The following ATRNL1 variants were observed in gnomAD, a reference collection of about 807,000 sequenced individuals.
ATRNL1 encodes the protein attractin like 1, also known as attractin-like protein 1.
In ATRNL1, 95 loss-of-function variants were observed where a neutral mutation model predicts 182.7. The ratio of observed to expected loss-of-function variants is 0.52; its 90% CI spans 0.44 to 0.62. The LOEUF is 0.62. Ranked by LOEUF, ATRNL1 falls within the 20% of genes least tolerant of loss-of-function variation. The probability of loss-of-function intolerance (pLI) is 0.00; values close to 1 mark genes in which losing one functional copy is unlikely to be tolerated. For missense variants in ATRNL1, 1,471 were observed against 1,679.5 expected, an observed-to-expected ratio of 0.88 and a Z score of 2.17; for synonymous variants, 576 against 568.3, an observed-to-expected ratio of 1.01 and a Z score of -0.19.
At chr10:115,934,957 G>C (rs1953512745) in intron 28 of ATRNL1, among the ~76,000 whole-genome samples, 1 of 152,090 alleles carries the variant, frequency 6.6e-6, no homozygotes, top group South Asian at 2.1e-4. Flanking sequence ...GTAGTTTCCA[G>C]TATCCAGAAC....
intron 21 of ATRNL1, among the ~76,000 whole-genome samples, chr10:115,441,789 C>A (rs1846693966): frequency 6.6e-6 from 1 of 151,918 alleles, no homozygotes; most frequent in African/African-American, 2.4e-5. Context: ...TGCCTATATA[C>A]TTGCTTTTGT....
At chr10:115,507,344 A>G (rs1850163633) in intron 24 of ATRNL1, among the ~76,000 whole-genome samples, 1 of 152,014 alleles carries the variant, frequency 6.6e-6, no homozygotes, top group Non-Finnish European at 1.5e-5. Flanking sequence ...CAAGTGTTAC[A>G]TCTCTAGTAG....
chr10:115,168,995 G>A (rs1412334456), intron 7 of ATRNL1, among the ~76,000 whole-genome samples: 2 of 143,638 alleles, frequency 1.4e-5, no homozygotes, highest in African/African-American at 5.1e-5. Context: ...TTTGTATATA[G>A]TATGCAGTAA....
chr10:115,913,231 A>G (rs959852800), intron 28 of ATRNL1, among the ~76,000 whole-genome samples: 23 of 152,188 alleles, frequency 1.5e-4, no homozygotes, highest in Non-Finnish European at 2.1e-4. Context: ...AGCTGCCCTC[A>G]GTATCTTAAA....
intron 26 of ATRNL1, among the ~76,000 whole-genome samples, chr10:115,556,107 T>G (rs1853300713): frequency 6.6e-6 from 1 of 152,144 alleles, no homozygotes; most frequent in South Asian, 2.1e-4. Context: ...ATAATGTAAC[T>G]TATGCATCTG....
intron 26 of ATRNL1, among the ~76,000 whole-genome samples, chr10:115,621,014 A>T (rs186084086): frequency 4.6e-5 from 7 of 151,674 alleles, no homozygotes; most frequent in Admixed American, 4.6e-4. Flanking sequence ...GTCGCCTTGT[A>T]TCATTGGAAT....
chr10:115,381,460 G>A (rs1354333171), intron 19 of ATRNL1, among the ~76,000 whole-genome samples: 7 of 37,128 alleles, frequency 1.9e-4, no homozygotes, highest in African/African-American at 8.4e-4. Flanking sequence ...AGTAGACATG[G>A]GGTTTCTTCA....
At chr10:115,739,856 G>T (rs1948085948) in intron 27 of ATRNL1, among the ~76,000 whole-genome samples, 1 of 152,016 alleles carries the variant, frequency 6.6e-6, no homozygotes, top group African/African-American at 2.4e-5. Flanking sequence ...CTAAATTTAT[G>T]ATTTTGCTTA....
chr10:115,590,637 C>T (rs1287203508), intron 26 of ATRNL1, among the ~76,000 whole-genome samples: 4 of 152,034 alleles, frequency 2.6e-5, no homozygotes, highest in Non-Finnish European at 2.9e-5. Context: ...TTCCCACCTG[C>T]CTCCTCCAGG....
chr10:115,765,845 T>C (rs1292696588), intron 27 of ATRNL1, among the ~76,000 whole-genome samples: 2 of 152,174 alleles, frequency 1.3e-5, no homozygotes, highest in Admixed American at 6.5e-5. Context: ...AATGGCTGTA[T>C]AGTGTTCCAC....
intron 7 of ATRNL1, among the ~76,000 whole-genome samples, chr10:115,167,601 G>A (rs1847105401): frequency 6.6e-6 from 1 of 151,904 alleles, no homozygotes; most frequent in Admixed American, 6.6e-5. Flanking sequence ...GTCTAAATAT[G>A]AATTTATATG....
intron 26 of ATRNL1, among the ~76,000 whole-genome samples, chr10:115,679,000 A>C (rs1945956913): frequency 1.3e-5 from 2 of 152,246 alleles, no homozygotes; most frequent in South Asian, 2.1e-4. Context: ...GAAAAATAGC[A>C]GGCACCATTA....
chr10:115,807,190 AC>A (rs1256210276), intron 27 of ATRNL1, among the ~76,000 whole-genome samples: 2 of 150,416 alleles, frequency 1.3e-5, no homozygotes, highest in Non-Finnish European at 3.0e-5. Context: ...ATCTCAGCTC[AC>A]TGCAAACTCT....
chr10:115,152,738 C>T (rs180898365), intron 5 of ATRNL1, among the ~76,000 whole-genome samples: 1,697 of 152,292 alleles, frequency 0.011, 28 homozygotes, highest in African/African-American at 0.038. Context: ...CTGGCCAGAA[C>T]TTCCAACACT....
intron 26 of ATRNL1, among the ~76,000 whole-genome samples, chr10:115,618,899 T>C (rs1195329819): frequency 6.6e-6 from 1 of 152,216 alleles, no homozygotes; most frequent in Non-Finnish European, 1.5e-5. Context: ...TTAGGGTTTT[T>C]TGTGTTCATA....
intron 8 of ATRNL1, among the ~76,000 whole-genome samples, chr10:115,187,266 A>G (rs997333896): frequency 1.3e-5 from 2 of 152,096 alleles, no homozygotes; most frequent in Non-Finnish European, 2.9e-5. Context: ...TATTGTGACT[A>G]GAAATGCCTA....
intron 6 of ATRNL1, among the ~76,000 whole-genome samples, chr10:115,161,054 A>AT (rs1258667021): frequency 6.6e-6 from 1 of 151,740 alleles, no homozygotes; most frequent in Non-Finnish European, 1.5e-5. Context: ...ATATATATAT[A>AT]TTTTTTACAA....
At chr10:115,839,528 A>G (rs1365482462) in intron 27 of ATRNL1, among the ~76,000 whole-genome samples, 1 of 152,042 alleles carries the variant, frequency 6.6e-6, no homozygotes, top group Non-Finnish European at 1.5e-5. Flanking sequence ...TACAACCCAT[A>G]TGTCTTTGCA....
chr10:115,669,517 T>C (rs782651088), intron 26 of ATRNL1, among the ~76,000 whole-genome samples: 112 of 152,312 alleles, frequency 7.4e-4, no homozygotes, highest in Non-Finnish European at 1.5e-3. Context: ...TTCAGATTCA[T>C]TGTGCTCCTG....
Sources: allele counts gnomAD v4.1 joint callset (sites outside exome capture counted in the v4.1 genomes callset), GRCh38; gene constraint gnomAD v4.1.1; transcripts MANE v1.5; gene names NCBI Gene and HGNC (gene_info 2026-07-23, HGNC 2026-07-21).